UGT8: variants seen among roughly 807,000 people sequenced by gnomAD.
The protein encoded by UGT8 is 2-hydroxyacylsphingosine 1-beta-galactosyltransferase.
Under a neutral mutation model 40.5 loss-of-function variants are expected in UGT8, and 12 were observed. That is an observed-to-expected ratio of 0.30 (90% CI 0.19 to 0.48). The LOEUF is 0.48. Ranked by LOEUF, UGT8 falls within the 20% of genes least tolerant of loss-of-function variation. The pLI is 0.99. For missense variants in UGT8, 513 were observed against 648.7 expected (o/e 0.79, Z 2.27); for synonymous variants, 224 against 240.4 (o/e 0.93, Z 0.63).
intron 3 of UGT8, 140 bp from the exon 4 acceptor site, chr4:114,665,540 A>G (rs4833463): frequency 0.96 from 1,224,565 of 1,279,580 alleles, 590,322 homozygotes; most frequent in East Asian, 1. Flanking sequence ...ATTTGCTGTT[A>G]CCAAAGCATG....
chr4:114,611,965 G>T (rs1030438259), intron 1 of UGT8, among the ~76,000 whole-genome samples: 10 of 152,060 alleles, frequency 6.6e-5, no homozygotes, highest in African/African-American at 1.9e-4. Flanking sequence ...AAGACCTCCA[G>T]GTGATTGTGA....
chr4:114,671,893 A>G (rs1028959728), intron 5 of UGT8, among the ~76,000 whole-genome samples: 6 of 152,218 alleles, frequency 3.9e-5, no homozygotes, highest in African/African-American at 1.4e-4. Context: ...GGCAACCTAC[A>G]GAATGGGAGA....
chr4:114,616,457 T>C (rs915347407), intron 1 of UGT8, among the ~76,000 whole-genome samples: 3 of 152,050 alleles, frequency 2.0e-5, no homozygotes, highest in African/African-American at 7.2e-5. Flanking sequence ...AAAAGTGCAG[T>C]ATTAGGGTGG....
intron 2 of UGT8, among the ~76,000 whole-genome samples, chr4:114,636,982 CAT>C (rs2126110407): frequency 6.6e-6 from 1 of 152,300 alleles, no homozygotes; most frequent in East Asian, 1.9e-4. Flanking sequence ...AGCAATTTAA[CAT>C]ATTACCTTTC....
In UGT8 at chr4:114,671,406, C is replaced by T. The variant is rs113887995; in HGVS notation, c.1262+3102C>T. ...CAAAAAAACAAAGCTGGAGGCATTACGCTACCTGACTTCAAACTATACTAC... is the reference window on the plus strand; with the variant it reads ...CAAAAAAACAAAGCTGGAGGCATTATGCTACCTGACTTCAAACTATACTAC... On this transcript the variant is annotated intron_variant, in intron 5 of 5. Coordinates refer to ENST00000310836, the MANE Select transcript of UGT8 (RefSeq NM_001128174.3). 3.5e-3 allele frequency among the ~76,000 whole-genome samples: 538 copies of T among 152,244 alleles called. 2 individuals carry two copies. The highest frequency in any genetic ancestry group is 5.8e-3 in the Non-Finnish European group (397 of 68,010).
chr4:114,627,050 A>G (rs1317604045), intron 2 of UGT8, among the ~76,000 whole-genome samples: 1 of 152,198 alleles, frequency 6.6e-6, no homozygotes, highest in East Asian at 1.9e-4. Flanking sequence ...TGGAAAGACA[A>G]CTTATCATCT....
chr4:114,651,235 A>C (rs7679466), intron 2 of UGT8, among the ~76,000 whole-genome samples: 5 of 151,980 alleles, frequency 3.3e-5, no homozygotes, highest in African/African-American at 1.2e-4. Context: ...GTCTCTTACC[A>C]ATTTTCCTGT....
In UGT8 at chr4:114,605,923, G is replaced by A. The variant is rs150245285; in HGVS notation, c.-3+6949G>A. On this transcript the variant is annotated intron_variant, in intron 1 of 5. Transcript: ENST00000310836. ...AAATAGTTTACAGAAAAAAATTGTG[G>A]TTAGTGACATTAAAGCACATTATAT... Among the ~76,000 whole-genome samples, 12 of 152,176 alleles carry A rather than the reference G, an allele frequency of 7.9e-5. 1 individual carries two copies. Among genetic ancestry groups the A allele is most frequent in the Admixed American group, 4.6e-4 (7 of 15,274 alleles).
At chr4:114,621,562 G>T (rs1250336709) in intron 1 of UGT8, among the ~76,000 whole-genome samples, 1 of 152,046 alleles carries the variant, frequency 6.6e-6, no homozygotes, top group Non-Finnish European at 1.5e-5. Flanking sequence ...TGTAACCATT[G>T]AATTAAAATG....
At chr4:114,608,907 CTCCCCACT>C (rs1730883988) in intron 1 of UGT8, among the ~76,000 whole-genome samples, 2 of 152,310 alleles carry the variant, frequency 1.3e-5, no homozygotes, top group South Asian at 4.1e-4. Context: ...AATTGTCCAA[CTCCCCACT>C]TCCCCATAGA....
chr4:114,613,507 A>G (rs1429095745), intron 1 of UGT8, among the ~76,000 whole-genome samples: 1 of 152,208 alleles, frequency 6.6e-6, no homozygotes, highest in African/African-American at 2.4e-5. Context: ...TACTTTGTAT[A>G]TAGAAATTTA....
chr4:114,666,104 G>T (rs1734861611), intron 4 of UGT8, among the ~76,000 whole-genome samples: 2 of 152,046 alleles, frequency 1.3e-5, no homozygotes, highest in Admixed American at 1.3e-4. Flanking sequence ...GATGAAAGTA[G>T]AACAGTTAAA....
At chr4:114,667,183 A>T (rs1471166000) in intron 4 of UGT8, among the ~76,000 whole-genome samples, 1 of 152,176 alleles carries the variant, frequency 6.6e-6, no homozygotes, top group Non-Finnish European at 1.5e-5. Context: ...AGAATGGAAG[A>T]GCTCTGGGAG....
chr4:114,641,327 T>C (rs1054716458), intron 2 of UGT8, among the ~76,000 whole-genome samples: 3 of 152,210 alleles, frequency 2.0e-5, no homozygotes, highest in African/African-American at 7.2e-5. Context: ...TTGTTCAGTC[T>C]CACTTTGTTT....
chr4:114,667,015 G>A (rs902795248), intron 4 of UGT8, among the ~76,000 whole-genome samples: 2 of 152,026 alleles, frequency 1.3e-5, no homozygotes, highest in Admixed American at 6.6e-5. Context: ...TTTAACTGTT[G>A]GGTTTGGTGG....
intron 2 of UGT8, among the ~76,000 whole-genome samples, chr4:114,643,472 T>C (rs1733354163): frequency 6.6e-6 from 1 of 152,200 alleles, no homozygotes; most frequent in African/African-American, 2.4e-5. Flanking sequence ...AGAAAAAATG[T>C]TATATTATCA....
chr4:114,656,322 T>C (rs1734185236), intron 2 of UGT8, among the ~76,000 whole-genome samples: 1 of 152,120 alleles, frequency 6.6e-6, no homozygotes, highest in Non-Finnish European at 1.5e-5. Context: ...GGCAGACAGA[T>C]TAGCTAGCAA....
At chr4:114,620,360 A>G (rs1306448201) in intron 1 of UGT8, among the ~76,000 whole-genome samples, 1 of 152,210 alleles carries the variant, frequency 6.6e-6, no homozygotes, top group African/African-American at 2.4e-5. Context: ...TTTTGGCATT[A>G]GTCTTATCCC....
chr4:114,673,348 G>A (rs957947324), intron 5 of UGT8, among the ~76,000 whole-genome samples: 1 of 152,212 alleles, frequency 6.6e-6, no homozygotes, highest in South Asian at 2.1e-4. Flanking sequence ...CTTTCCAGTT[G>A]ATCCATGGAC....
Sources: gnomAD v4.1 joint callset for allele counts (sites outside exome capture counted in the v4.1 genomes callset) on GRCh38, gnomAD v4.1.1 for gene constraint, MANE v1.5 for transcripts, NCBI Gene and HGNC (gene_info 2026-07-23, HGNC 2026-07-21) for gene names.